FOXP1: variants seen among roughly 807,000 people sequenced by gnomAD.
FOXP1 encodes forkhead box P1.
In FOXP1, 15 loss-of-function variants were observed where a neutral mutation model predicts 98.2. The observed-to-expected ratio is 0.15, with a 90% CI of 0.10 to 0.24. The LOEUF (loss-of-function observed/expected upper bound fraction) is 0.24. Ranked by LOEUF, FOXP1 falls within the 10% of genes least tolerant of loss-of-function variation. The pLI is 1.00. For missense variants in FOXP1, 633 were observed against 848.5 expected (o/e 0.75, Z 3.15); for synonymous variants, 371 against 314.5 (o/e 1.18, Z -1.90).
intron 11 of FOXP1, among the ~76,000 whole-genome samples, chr3:71,036,795 A>T (rs1039987846): frequency 3.3e-5 from 5 of 152,212 alleles, no homozygotes. Context: ...ATGAATATAC[A>T]CCATAAAAGA....
chr3:71,110,625 T>C (rs766753671), intron 7 of FOXP1, among the ~76,000 whole-genome samples: 6 of 152,362 alleles, frequency 3.9e-5, no homozygotes, highest in South Asian at 2.1e-4. Context: ...AGTACTTTAA[T>C]ATGTACCAAC....
chr3:71,116,193 G>A (rs1185999682), intron 6 of FOXP1, among the ~76,000 whole-genome samples: 1 of 152,008 alleles, frequency 6.6e-6, no homozygotes, highest in Non-Finnish European at 1.5e-5. Context: ...TTATTCTTCT[G>A]GTTTGAAGGG....
intron 2 of FOXP1, among the ~76,000 whole-genome samples, chr3:71,528,496 C>T (rs1321486169): frequency 6.6e-6 from 1 of 152,250 alleles, no homozygotes; most frequent in East Asian, 1.9e-4. Context: ...GTTTGACCTT[C>T]TAATGTCCTC....
At chr3:71,271,314 C>G (rs898563469) in intron 5 of FOXP1, among the ~76,000 whole-genome samples, 1 of 152,064 alleles carries the variant, frequency 6.6e-6, no homozygotes, top group Non-Finnish European at 1.5e-5. Context: ...AGAGAAAAGA[C>G]AAAAAATTAA....
intron 19 of FOXP1, chr3:70,970,366 A>G (rs1200296607): frequency 1.7e-5 from 5 of 288,070 alleles, no homozygotes; most frequent in Non-Finnish European, 1.3e-5. Flanking sequence ...CCCATGAACA[A>G]TAGAAGGTCA....
intron 7 of FOXP1, among the ~76,000 whole-genome samples, chr3:71,073,830 GGATGT>G (rs577948728): frequency 2.9e-4 from 44 of 152,280 alleles, no homozygotes; most frequent in African/African-American, 1.0e-3. Context: ...GGAAGAGCTG[GGATGT>G]GACTGTGTCC....
chr3:71,092,114 G>C (rs1037769376), intron 7 of FOXP1, among the ~76,000 whole-genome samples: 7 of 152,070 alleles, frequency 4.6e-5, no homozygotes, highest in African/African-American at 1.7e-4. Context: ...CTTGAACCCA[G>C]GAGGTGGAGG....
In FOXP1 at chr3:71,164,890, T is replaced by C. The variant is rs10511015; in HGVS notation, c.180+33312A>G. ...ACATTCCAGCGCATTATACTTGAAATTATTTGCCTCCAAAGTTATAAAGAA... is the reference window on the plus strand; with the variant it reads ...ACATTCCAGCGCATTATACTTGAAACTATTTGCCTCCAAAGTTATAAAGAA... On this transcript the variant is annotated intron_variant, in intron 6 of 20. Coordinates refer to ENST00000649528, the MANE Select transcript of FOXP1 (RefSeq NM_001349338.3). Among the ~76,000 whole-genome samples the C allele has an allele frequency of 3.8e-3, 583 of 152,320 alleles. 3 individuals carry two copies. The highest frequency in any genetic ancestry group is 0.013 in the African/African-American group (553 of 41,580).
rs533791749 is a variant in FOXP1 at position 71,184,756 on chromosome 3, C to T, written c.180+13446G>A. Among the ~76,000 whole-genome samples the T allele has an allele frequency of 1.6e-3, 238 of 148,822 alleles. 3 individuals carry two copies. Among genetic ancestry groups the T allele is most frequent in the Middle Eastern group, 7.0e-3 (2 of 286 alleles). On this transcript the variant is annotated intron_variant, in intron 6 of 20. Coordinates refer to ENST00000649528, the MANE Select transcript of FOXP1 (RefSeq NM_001349338.3). ...ATTAACATACAGAATAGCTGTGTAA[C>T]GTTTTTTTTTTTGGGGGGGGCATAT...
chr3:71,034,253 T>C (rs964809275), intron 11 of FOXP1, among the ~76,000 whole-genome samples: 2 of 152,168 alleles, frequency 1.3e-5, no homozygotes, highest in African/African-American at 4.8e-5. Flanking sequence ...GGCTACCATC[T>C]GGACTTGATC....
intron 2 of FOXP1, among the ~76,000 whole-genome samples, chr3:71,565,859 G>A (rs1482545115): frequency 2.0e-5 from 3 of 152,172 alleles, no homozygotes; most frequent in Non-Finnish European, 4.4e-5. Context: ...GTAACGCTGG[G>A]TGATCACAGA....
intron 2 of FOXP1, among the ~76,000 whole-genome samples, chr3:71,576,423 C>G (rs1300231364): frequency 6.6e-6 from 1 of 152,162 alleles, no homozygotes; most frequent in African/African-American, 2.4e-5. Context: ...CCGAACACAG[C>G]AGACATATGT....
intron 4 of FOXP1, among the ~76,000 whole-genome samples, chr3:71,327,052 G>T (rs962266341): frequency 6.6e-6 from 1 of 152,030 alleles, no homozygotes; most frequent in Non-Finnish European, 1.5e-5. Flanking sequence ...AAGTTGAACT[G>T]CACTGCCCAT....
At chr3:71,581,983 G>C (rs1260978611) in intron 1 of FOXP1, 5 of 951,762 alleles carry the variant, frequency 5.3e-6, no homozygotes, top group African/African-American at 1.8e-5. Context: ...TAGGGAGAAG[G>C]GGGTGGGATG....
intron 6 of FOXP1, among the ~76,000 whole-genome samples, chr3:71,139,596 T>C (rs1043882603): frequency 1.3e-5 from 2 of 152,164 alleles, no homozygotes; most frequent in East Asian, 3.9e-4. Context: ...TGAACAACTT[T>C]GGATACTTTA....
At chr3:71,311,259 T>C (rs1418489682) in intron 4 of FOXP1, among the ~76,000 whole-genome samples, 1 of 152,120 alleles carries the variant, frequency 6.6e-6, no homozygotes, top group Non-Finnish European at 1.5e-5. Context: ...TCACTAGTTT[T>C]TTCAATTTTT....
chr3:71,340,363 A>C (rs2076941060), intron 4 of FOXP1, among the ~76,000 whole-genome samples: 1 of 152,220 alleles, frequency 6.6e-6, no homozygotes, highest in Non-Finnish European at 1.5e-5. Context: ...ATACTAAGTA[A>C]ATCTAGCATA....
intron 6 of FOXP1, among the ~76,000 whole-genome samples, chr3:71,170,573 C>A (rs546040424): frequency 6.6e-6 from 1 of 152,116 alleles, no homozygotes; most frequent in Non-Finnish European, 1.5e-5. Context: ...CTGTGAAAGT[C>A]GCTCGGATCC....
At chr3:71,148,345 C>T (rs1165639343) in intron 6 of FOXP1, among the ~76,000 whole-genome samples, 2 of 152,082 alleles carry the variant, frequency 1.3e-5, no homozygotes, top group Non-Finnish European at 2.9e-5. Context: ...CCATTCATTG[C>T]ACTCCAGCCT....
Sources: gnomAD v4.1 joint callset for allele counts (sites outside exome capture counted in the v4.1 genomes callset) on GRCh38, gnomAD v4.1.1 for gene constraint, MANE v1.5 for transcripts, NCBI Gene and HGNC (gene_info 2026-07-23, HGNC 2026-07-21) for gene names.